Variants in HFM1 observed in about 807,000 individuals in gnomAD.
The protein encoded by HFM1 is helicase for meiosis 1.
Under a neutral mutation model 192.1 loss-of-function variants are expected in HFM1, and 169 were observed. The ratio of observed to expected loss-of-function variants is 0.88; its 90% confidence interval spans 0.78 to 1.00. HFM1 has a LOEUF of 1.00. HFM1 is among the 50% of genes least tolerant of loss of function. The pLI is 0.00. For missense variants in HFM1, 1,661 were observed against 1,668.0 expected, an observed-to-expected ratio of 1.00 and a Z score of 0.07; for synonymous variants, 525 against 537.8, an observed-to-expected ratio of 0.98 and a Z score of 0.33.
At chr1:91,353,532 C>T (rs1022636199) in intron 13 of HFM1, among the ~76,000 whole-genome samples, 2 of 150,642 alleles carry the variant, frequency 1.3e-5, no homozygotes, top group African/African-American at 2.4e-5. Context: ...CTCACTTTCC[C>T]CAAGAAAACA....
intron 20 of HFM1, among the ~76,000 whole-genome samples, chr1:91,338,256 A>G (rs888257784): frequency 2.6e-5 from 4 of 152,182 alleles, no homozygotes; most frequent in Admixed American, 2.6e-4. Context: ...TTGGCACAGG[A>G]ATGGCTACAG....
chr1:91,328,322 A>C (rs1653239498), intron 20 of HFM1: 2 of 1,482,172 alleles, frequency 1.3e-6, no homozygotes, highest in Non-Finnish European at 1.8e-6. Flanking sequence ...ACCCTGAATC[A>C]AGCTTTAGCC....
At chr1:91,302,639 T>C (rs1290652684) in intron 30 of HFM1, among the ~76,000 whole-genome samples, 1 of 152,086 alleles carries the variant, frequency 6.6e-6, no homozygotes, top group Non-Finnish European at 1.5e-5. Context: ...TGTAGGGACA[T>C]GGATGACGCT....
chr1:91,282,689 C>T lies in HFM1; in HGVS notation c.3392-5627G>A, dbSNP rs143653113. ...GACTGATCTATCAACAATTCTCTCTCTAGTTGTACCAGTTGCTTTAGCTCT... is the reference window on the plus strand; with the variant it reads ...GACTGATCTATCAACAATTCTCTCTTTAGTTGTACCAGTTGCTTTAGCTCT... On this transcript the variant is annotated intron_variant, in intron 30 of 38. Transcript: ENST00000370425. Among the ~76,000 whole-genome samples the T allele has an allele frequency of 2.0e-5, 3 of 152,278 alleles. No homozygotes were observed. The East Asian group carries it at 5.8e-4, about 29-fold the overall frequency.
At chr1:91,341,693 G>A (rs970087912) in intron 20 of HFM1, among the ~76,000 whole-genome samples, 1 of 151,328 alleles carries the variant, frequency 6.6e-6, no homozygotes, top group Admixed American at 6.6e-5. Flanking sequence ...CTGCTAGCTA[G>A]AATAACAAAC....
chr1:91,379,226 T>G lies in HFM1; in HGVS notation c.1007-12A>C. 1 of 1,581,218 alleles carries G rather than the reference T, an allele frequency of 6.3e-7. No individual in the cohort carries two copies. Among genetic ancestry groups the G allele is most frequent in the Non-Finnish European group, 8.6e-7 (1 of 1,167,848 alleles). ...TTTTATTGGTGCCACTGTAACAATA[T>G]AAAATATTTACTTTGAACATCAGTT... On this transcript the variant is annotated splice_polypyrimidine_tract_variant and intron_variant, in intron 8 of 38. Coordinates refer to ENST00000370425, the MANE Select transcript of HFM1 (RefSeq NM_001017975.6).
At chr1:91,273,176 A>G (rs1164785542) in intron 34 of HFM1, among the ~76,000 whole-genome samples, 1 of 151,976 alleles carries the variant, frequency 6.6e-6, no homozygotes, top group Non-Finnish European at 1.5e-5. Context: ...GCTATATCCC[A>G]CAACCTAAGT....
chr1:91,283,206 T>G (rs373757772), intron 30 of HFM1, among the ~76,000 whole-genome samples: 2 of 152,114 alleles, frequency 1.3e-5, no homozygotes, highest in Non-Finnish European at 1.5e-5. Context: ...TTACAGATAT[T>G]GGTAATTAGA....
chr1:91,347,463 T>C lies in HFM1; in HGVS notation c.2220A>G (p.Gly740=). 6.3e-7 allele frequency: 1 copy of C among 1,588,968 alleles called. No homozygotes were observed. Among genetic ancestry groups the C allele is most frequent in the Non-Finnish European group, 8.6e-7 (1 of 1,166,248 alleles). ...TTGCTTCAATTCCATCTTTGTTCAA[T>C]CCAGATGCAAAACCTGCATGTCATG... ...KNPSHYGFAS[G]LNKDGIEAKL... is the part of the protein sequence containing the mutation. The change falls in exon 19 of 39, where the codon GGA becomes GGG. Residue 740 remains glycine, a synonymous_variant. Coordinates refer to ENST00000370425, the MANE Select transcript of HFM1 (RefSeq NM_001017975.6).
intron 30 of HFM1, among the ~76,000 whole-genome samples, chr1:91,304,585 C>T (rs1343306546): frequency 6.6e-6 from 1 of 151,860 alleles, no homozygotes; most frequent in East Asian, 1.9e-4. Flanking sequence ...TCTTGCCTCA[C>T]CCTCCTGAGT....
At chr1:91,292,231 G>A (rs1348350626) in intron 30 of HFM1, among the ~76,000 whole-genome samples, 1 of 148,528 alleles carries the variant, frequency 6.7e-6, no homozygotes, top group Non-Finnish European at 1.5e-5. Context: ...GAAATAAAGA[G>A]TATTCGATTA....
At chr1:91,388,304 C>A (rs1362912466) in intron 4 of HFM1, among the ~76,000 whole-genome samples, 1 of 152,160 alleles carries the variant, frequency 6.6e-6, no homozygotes, top group Non-Finnish European at 1.5e-5. Flanking sequence ...AGCTGGAATT[C>A]AAAGTGAGGT....
intron 6 of HFM1, among the ~76,000 whole-genome samples, chr1:91,383,044 T>C (rs1176592928): frequency 3.9e-5 from 6 of 152,242 alleles, no homozygotes; most frequent in Admixed American, 2.6e-4. Context: ...TTATCACAAA[T>C]AGCATTCAGT....
chr1:91,325,571 G>T lies in HFM1; in HGVS notation c.2336-805C>A, dbSNP rs373002298. Among the ~76,000 whole-genome samples the T allele has an allele frequency of 2.0e-5, 3 of 152,162 alleles. No homozygotes were observed. In the East Asian group the frequency reaches 5.8e-4, roughly 29 times the overall value. ...ATGAACACCAAGGTGGTAGGTCTACGAATCTGCAAAAACCACAGCATAATC... is the reference window on the plus strand; with the variant it reads ...ATGAACACCAAGGTGGTAGGTCTACTAATCTGCAAAAACCACAGCATAATC... On this transcript the variant is annotated intron_variant, in intron 20 of 38. Coordinates refer to ENST00000370425, the MANE Select transcript of HFM1 (RefSeq NM_001017975.6).
At chr1:91,327,125 TA>T (rs1653036321) in intron 20 of HFM1, among the ~76,000 whole-genome samples, 2 of 152,054 alleles carry the variant, frequency 1.3e-5, no homozygotes, top group Non-Finnish European at 2.9e-5. Context: ...GAGAAGACTG[TA>T]AAACAACCAG....
intron 7 of HFM1, 35 bp from the exon 8 acceptor site, chr1:91,380,271 TAG>T: frequency 7.5e-7 from 1 of 1,328,328 alleles, no homozygotes; most frequent in Non-Finnish European, 1.0e-6. Flanking sequence ...ATGTAACATA[TAG>T]ACTTTTTCAC....
chr1:91,389,575 AG>A (rs1662675708), intron 4 of HFM1, among the ~76,000 whole-genome samples: 1 of 152,180 alleles, frequency 6.6e-6, no homozygotes, highest in South Asian at 2.1e-4. Context: ...AAACCATGGG[AG>A]AACATAACTA....
In HFM1 at chr1:91,261,262, T is replaced by C. The variant is rs778122725; in HGVS notation, c.*28A>G. ...TGATTAGGTGTCTTTATTCTTTCTC[T>C]TATCAATATAAAAAGTATTTGTTTG... On this transcript the variant is annotated 3_prime_UTR_variant, in exon 39 of 39. Transcript: ENST00000370425. 2.9e-5 allele frequency: 28 copies of C among 975,866 alleles called. No individual in the cohort carries two copies. Among genetic ancestry groups the C allele is most frequent in the Non-Finnish European group, 3.4e-5 (24 of 707,122 alleles). The allele number at this position is 975,866 out of a possible 1,614,324, so 60.5% of individuals were successfully genotyped here. A position where few individuals can be genotyped will look rare whatever the true frequency, so the allele number is the denominator to read the frequency against.
intron 21 of HFM1, among the ~76,000 whole-genome samples, chr1:91,323,924 T>C (rs1489619133): frequency 6.6e-6 from 1 of 152,230 alleles, no homozygotes; most frequent in Non-Finnish European, 1.5e-5. Context: ...GTGCAATTTT[T>C]ACTACAATAA....
Sources: allele counts gnomAD v4.1 joint callset (sites outside exome capture counted in the v4.1 genomes callset), GRCh38; gene constraint gnomAD v4.1.1; transcripts MANE v1.5; gene names NCBI Gene and HGNC (gene_info 2026-07-23, HGNC 2026-07-21).